RIPOR2: variants seen among roughly 807,000 people sequenced by gnomAD.
RIPOR2 encodes rho family-interacting cell polarization regulator 2.
A neutral mutation model predicts 114.5 loss-of-function variants in RIPOR2; 39 were observed. The ratio of observed to expected loss-of-function variants is 0.34; its 90% confidence interval spans 0.26 to 0.44. The LOEUF (loss-of-function observed/expected upper bound fraction) is 0.44, where lower values mean the gene tolerates loss of function less well. RIPOR2 is among the 20% of genes least tolerant of loss of function. RIPOR2 has a pLI of 1.00. For synonymous variants in RIPOR2, 445 were observed against 484.4 expected (o/e 0.92, Z 1.07); for missense variants, 1,007 against 1,255.1 (o/e 0.80, Z 2.99).
chr6:24,849,051 C>T (rs1174247716), intron 11 of RIPOR2, among the ~76,000 whole-genome samples: 1 of 152,122 alleles, frequency 6.6e-6, no homozygotes, highest in East Asian at 1.9e-4. Flanking sequence ...ATTACAGGTG[C>T]CTGCCACAAT....
chr6:24,867,191 G>T (rs192949634), intron 6 of RIPOR2, among the ~76,000 whole-genome samples: 5 of 152,334 alleles, frequency 3.3e-5, no homozygotes, highest in East Asian at 1.9e-4. Flanking sequence ...AATCTTCAGG[G>T]TCAGTGGATT....
chr6:25,013,305 A>G (rs1352217844), intron 1 of RIPOR2, among the ~76,000 whole-genome samples: 1 of 152,122 alleles, frequency 6.6e-6, no homozygotes, highest in Admixed American at 6.5e-5. Flanking sequence ...GTGATTCTTC[A>G]GTGGTGGTCT....
At chr6:24,875,584 GCC>G in intron 2 of RIPOR2, 105 bp downstream of exon 2, 1 of 960,962 alleles carries the variant, frequency 1.0e-6, no homozygotes, top group African/African-American at 1.7e-5. Flanking sequence ...TGGGGAGGAG[GCC>G]GGGGGGCGGT....
At position 24,955,652 on chromosome 6, in the gene RIPOR2, G is replaced by C. The variant is rs562736547; in HGVS notation, c.77-79835C>G. On this transcript the variant is annotated intron_variant, in intron 1 of 13. Transcript: ENST00000510784. ...GTTTCTTTTCTTCCCCTCTGTTATA[G>C]TTGAAAACCTATCTCTTACTCCGTC... Among the ~76,000 whole-genome samples, 5 of 147,062 alleles carry C rather than the reference G, an allele frequency of 3.4e-5. No homozygotes were observed. The South Asian group carries it at 8.5e-4, about 25-fold the overall frequency.
chr6:24,851,337 C>T (rs1358979499), intron 9 of RIPOR2, among the ~76,000 whole-genome samples: 5 of 152,150 alleles, frequency 3.3e-5, no homozygotes, highest in Non-Finnish European at 7.3e-5. Flanking sequence ...TTCAATAGAG[C>T]AGCCACACAA....
At chr6:24,933,826 A>G (rs764559087) in intron 1 of RIPOR2, among the ~76,000 whole-genome samples, 7 of 151,920 alleles carry the variant, frequency 4.6e-5, no homozygotes, top group Non-Finnish European at 5.9e-5. Flanking sequence ...CTCACTTCCC[A>G]CCTCAGAGCT....
intron 1 of RIPOR2, among the ~76,000 whole-genome samples, chr6:24,979,885 T>C (rs886205920): frequency 4.6e-5 from 7 of 152,230 alleles, no homozygotes; most frequent in African/African-American, 1.7e-4. Flanking sequence ...AGATACATCC[T>C]TCATATACAT....
intron 9 of RIPOR2, among the ~76,000 whole-genome samples, chr6:24,852,039 C>T (rs1028398970): frequency 7.2e-5 from 11 of 151,828 alleles, no homozygotes; most frequent in Non-Finnish European, 1.2e-4. Context: ...GGGGGGGAAT[C>T]ACTTGAGGTC....
chr6:25,033,168 C>T (rs555319296), intron 1 of RIPOR2, among the ~76,000 whole-genome samples: 10 of 151,272 alleles, frequency 6.6e-5, no homozygotes, highest in Admixed American at 1.3e-4. Context: ...TGAGCCGCGA[C>T]GGCGCCACAC....
intron 8 of RIPOR2, among the ~76,000 whole-genome samples, chr6:24,857,315 G>A (rs1383385954): frequency 6.6e-6 from 1 of 152,142 alleles, no homozygotes; most frequent in African/African-American, 2.4e-5. Context: ...GCATGATCTA[G>A]AAAGCTTAAT....
intron 14 of RIPOR2, among the ~76,000 whole-genome samples, 172 bp downstream of exon 14, chr6:24,838,919 T>C (rs909389861): frequency 2.6e-5 from 4 of 152,220 alleles, no homozygotes; most frequent in African/African-American, 9.7e-5. Context: ...GTGAATAATA[T>C]TGACCCTTTT....
intron 2 of RIPOR2, among the ~76,000 whole-genome samples, chr6:24,874,901 A>G (rs1181528785): frequency 2.0e-5 from 3 of 152,244 alleles, no homozygotes; most frequent in African/African-American, 7.2e-5. Flanking sequence ...CATCTCTAGT[A>G]GTGCCAGGGA....
In RIPOR2 at chr6:24,839,334, C is replaced by T. The variant is rs1215290355; in HGVS notation, c.1858-62G>A. On this transcript the variant is annotated intron_variant, in intron 13 of 21. Transcript: ENST00000643898. ...TATCCGGAAAGAGAAACCAGACACACGATGCTCAATTGGAGATGCCACACT... is the reference window on the plus strand; with the variant it reads ...TATCCGGAAAGAGAAACCAGACACATGATGCTCAATTGGAGATGCCACACT... 28 of 1,483,400 alleles carry T rather than the reference C, an allele frequency of 1.9e-5. No individual in the cohort carries two copies. In the African/African-American group the frequency reaches 2.1e-4, roughly 11 times the overall value. The allele number at this position is 1,483,400 out of a possible 1,614,324, so 91.9% of individuals were successfully genotyped here.
At chr6:24,983,249 C>A (rs978009911) in intron 1 of RIPOR2, among the ~76,000 whole-genome samples, 1 of 151,804 alleles carries the variant, frequency 6.6e-6, no homozygotes, top group Admixed American at 6.6e-5. Flanking sequence ...CAGGCACACA[C>A]ATATATATAC....
intron 1 of RIPOR2, among the ~76,000 whole-genome samples, chr6:24,918,273 G>A (rs1178383496): frequency 6.6e-6 from 1 of 152,084 alleles, no homozygotes; most frequent in Non-Finnish European, 1.5e-5. Flanking sequence ...GGAGCCGTCA[G>A]CTTCCTGACA....
chr6:24,995,348 G>T (rs2113630440), intron 1 of RIPOR2, among the ~76,000 whole-genome samples: 1 of 152,316 alleles, frequency 6.6e-6, no homozygotes, highest in African/African-American at 2.4e-5. Flanking sequence ...GGACAGAAGA[G>T]AAATGGTCCC....
intron 13 of RIPOR2, among the ~76,000 whole-genome samples, chr6:24,842,237 G>A (rs1033985282): frequency 1.1e-4 from 16 of 152,082 alleles, no homozygotes; most frequent in African/African-American, 3.4e-4. Context: ...AGGACCTCCC[G>A]CCTGCGAGGA....
chr6:25,022,314 T>C (rs1776359039), intron 1 of RIPOR2, among the ~76,000 whole-genome samples: 1 of 152,132 alleles, frequency 6.6e-6, no homozygotes, highest in Admixed American at 6.6e-5. Context: ...TTATGAGTGG[T>C]ATCATACAGT....
intron 1 of RIPOR2, among the ~76,000 whole-genome samples, chr6:24,969,206 G>A (rs1437079977): frequency 6.6e-6 from 1 of 152,184 alleles, no homozygotes; most frequent in Non-Finnish European, 1.5e-5. Flanking sequence ...GTGCTCTGGG[G>A]TGATGCCGTT....
Sources: gnomAD v4.1 joint callset for allele counts (sites outside exome capture counted in the v4.1 genomes callset) on GRCh38, gnomAD v4.1.1 for gene constraint, MANE v1.5 for transcripts, NCBI Gene and HGNC (gene_info 2026-07-23, HGNC 2026-07-21) for gene names.